The following COL5A2 variants were observed in gnomAD, a reference collection of about 807,000 sequenced individuals.
The protein encoded by COL5A2 is collagen alpha-2(V) chain.
Under a neutral mutation model 208.2 loss-of-function variants are expected in COL5A2, and 23 were observed. That is an observed-to-expected ratio of 0.11 (90% CI 0.08 to 0.16). COL5A2 has a LOEUF of 0.16. Ranked by LOEUF, COL5A2 falls within the 10% of genes least tolerant of loss-of-function variation. The pLI is 1.00. For synonymous variants in COL5A2, 625 were observed against 628.5 expected, an observed-to-expected ratio of 0.99 and a Z score of 0.08; for missense variants, 1,590 against 1,956.4, an observed-to-expected ratio of 0.81 and a Z score of 3.53.
chr2:189,080,314 A>C (rs1686502954), intron 13 of COL5A2, among the ~76,000 whole-genome samples: 1 of 152,170 alleles, frequency 6.6e-6, no homozygotes. Flanking sequence ...AAAACCTTAC[A>C]GTGGCTTTAG....
chr2:189,206,269 G>GA (rs1348372800), intron 1 of COL5A2, among the ~76,000 whole-genome samples: 1 of 152,136 alleles, frequency 6.6e-6, no homozygotes, highest in Non-Finnish European at 1.5e-5. Flanking sequence ...ACCATATGCT[G>GA]AAAGAAGCTT....
the COL5A2 span, among the ~76,000 whole-genome samples, chr2:189,359,407 TCC>T: frequency 1.3e-5 from 2 of 152,202 alleles, no homozygotes; most frequent in Non-Finnish European, 2.9e-5. Context: ...CACCCTTGCA[TCC>T]CAAGGATAAA....
At chr2:189,291,150 A>G in the COL5A2 span, among the ~76,000 whole-genome samples, 1 of 152,120 alleles carries the variant, frequency 6.6e-6, no homozygotes, top group African/African-American at 2.4e-5. Flanking sequence ...TCTAACTCCC[A>G]TAGATTGATT....
the COL5A2 span, among the ~76,000 whole-genome samples, chr2:189,391,823 T>C: frequency 2.0e-5 from 3 of 152,174 alleles, no homozygotes; most frequent in African/African-American, 7.2e-5. Flanking sequence ...AATTATTTGA[T>C]TTTTTGTGGT....
the COL5A2 span, among the ~76,000 whole-genome samples, chr2:189,329,540 T>C: frequency 3.3e-5 from 5 of 152,218 alleles, no homozygotes; most frequent in Non-Finnish European, 5.9e-5. Flanking sequence ...ATTTTGGTAA[T>C]CATTTTATAA....
At chr2:189,127,410 C>T (rs1217677000) in intron 1 of COL5A2, among the ~76,000 whole-genome samples, 1 of 151,998 alleles carries the variant, frequency 6.6e-6, no homozygotes, top group African/African-American at 2.4e-5. Context: ...AATAGCCTTT[C>T]AGATGTATTT....
intron 23 of COL5A2, 45 bp downstream of exon 23, chr2:189,066,342 CATA>C (rs776989364): frequency 6.6e-7 from 1 of 1,508,326 alleles, no homozygotes; most frequent in Non-Finnish European, 9.2e-7. Context: ...GACTTACACA[CATA>C]ATTCCCTCAC....
intron 17 of COL5A2, among the ~76,000 whole-genome samples, chr2:189,073,757 GA>G (rs1158090514): frequency 1.3e-5 from 2 of 152,200 alleles, no homozygotes; most frequent in African/African-American, 2.4e-5. Flanking sequence ...AATTTGATGG[GA>G]AAAGCACATG....
the COL5A2 span, among the ~76,000 whole-genome samples, chr2:189,318,110 A>C: frequency 6.6e-6 from 1 of 152,136 alleles, no homozygotes; most frequent in Middle Eastern, 3.2e-3. Flanking sequence ...CTGTTTTTCT[A>C]AACTCTGTAT....
chr2:189,209,471 G>C (rs183167006), intron 1 of COL5A2, among the ~76,000 whole-genome samples: 1 of 152,106 alleles, frequency 6.6e-6, no homozygotes, highest in Non-Finnish European at 1.5e-5. Context: ...CATGACAGAG[G>C]TACTATACTT....
At chr2:189,252,936 A>T in the COL5A2 span, among the ~76,000 whole-genome samples, 1 of 152,214 alleles carries the variant, frequency 6.6e-6, no homozygotes, top group South Asian at 2.1e-4. Flanking sequence ...CAGCCAGATT[A>T]TAAAGGACAT....
At chr2:189,054,129 G>C (rs774856494) in intron 36 of COL5A2, 30 bp downstream of exon 36, 4 of 1,597,530 alleles carry the variant, frequency 2.5e-6, no homozygotes, top group Non-Finnish European at 3.4e-6. Context: ...TCATAATTTT[G>C]AGTGTACAAA....
intron 1 of COL5A2, among the ~76,000 whole-genome samples, chr2:189,152,974 T>C (rs1412707403): frequency 1.3e-5 from 2 of 152,174 alleles, no homozygotes; most frequent in Non-Finnish European, 2.9e-5. Flanking sequence ...ACACTGCAGA[T>C]ATTCAGAGTG....
chr2:189,157,172 T>G (rs1331936956), intron 1 of COL5A2, among the ~76,000 whole-genome samples: 3 of 84,702 alleles, frequency 3.5e-5, no homozygotes, highest in Non-Finnish European at 6.6e-5. Context: ...CATATATATA[T>G]CTATATATAT....
At chr2:189,271,369 C>A in the COL5A2 span, among the ~76,000 whole-genome samples, 2 of 152,282 alleles carry the variant, frequency 1.3e-5, no homozygotes, top group Non-Finnish European at 1.5e-5. Context: ...CTACAACCAT[C>A]TGACCTTTGA....
intron 17 of COL5A2, among the ~76,000 whole-genome samples, chr2:189,074,593 T>C (rs1356951272): frequency 6.6e-6 from 1 of 152,206 alleles, no homozygotes; most frequent in African/African-American, 2.4e-5. Context: ...CACTCTTGCA[T>C]ATCTAATCAC....
the COL5A2 span, among the ~76,000 whole-genome samples, chr2:189,241,280 C>T: frequency 6.6e-5 from 10 of 152,090 alleles, no homozygotes; most frequent in Admixed American, 2.6e-4. Flanking sequence ...CTATTGGGTA[C>T]AACATTCACT....
At chr2:189,049,083 A>G (rs1685729141) in intron 44 of COL5A2, among the ~76,000 whole-genome samples, 1 of 152,146 alleles carries the variant, frequency 6.6e-6, no homozygotes, top group South Asian at 2.1e-4. Context: ...CACCCTCAAA[A>G]CAGTTTGGCA....
At chr2:189,433,120 T>G in the COL5A2 span, among the ~76,000 whole-genome samples, 2 of 152,218 alleles carry the variant, frequency 1.3e-5, no homozygotes, top group African/African-American at 4.8e-5. Flanking sequence ...ATAAAGATGT[T>G]CTTTGAAACC....
Sources: gnomAD v4.1 joint callset for allele counts (sites outside exome capture counted in the v4.1 genomes callset) on GRCh38, gnomAD v4.1.1 for gene constraint, MANE v1.5 for transcripts, NCBI Gene and HGNC (gene_info 2026-07-23, HGNC 2026-07-21) for gene names.